The following USP45 variants were observed in gnomAD, a reference collection of about 807,000 sequenced individuals.
The protein encoded by USP45 is ubiquitin specific peptidase 45, also known as ubiquitin carboxyl-terminal hydrolase 45.
USP45 carries 89 observed loss-of-function variants against 95.8 expected under a neutral mutation model. The observed-to-expected ratio is 0.93, with a 90% confidence interval of 0.78 to 1.11. The LOEUF is 1.11. USP45 is among the 50% of genes least tolerant of loss of function. USP45 has a pLI of 0.00. For synonymous variants in USP45, 281 were observed against 316.2 expected, an observed-to-expected ratio of 0.89 and a Z score of 1.18; for missense variants, 898 against 942.5, an observed-to-expected ratio of 0.95 and a Z score of 0.62.
intron 5 of USP45, among the ~76,000 whole-genome samples, chr6:99,496,770 T>A (rs76242513): frequency 0.022 from 3,339 of 151,630 alleles, 92 homozygotes; most frequent in Admixed American, 0.05. Context: ...AAAAAAAAAA[T>A]TTTTTTTCAA....
chr6:99,458,004 T>G (rs755466272), intron 13 of USP45, among the ~76,000 whole-genome samples: 16 of 152,158 alleles, frequency 1.1e-4, no homozygotes, highest in Non-Finnish European at 2.1e-4. Context: ...GTAAGCAGCG[T>G]AAGTATCAGC....
chr6:99,490,349 T>C (rs953245473), intron 5 of USP45, among the ~76,000 whole-genome samples: 2 of 146,490 alleles, frequency 1.4e-5, no homozygotes, highest in Non-Finnish European at 3.0e-5. Context: ...TTTTTTTTCT[T>C]TTTTTTTTTT....
Position 99,507,185 on chromosome 6 carries a change from C to T in USP45, c.377+243G>A, listed in dbSNP as rs113750183. ...TCACGCCACTGCACTCCAGCCTTGG[C>T]GACAGAGTGAGACTCTGTCTCAACA... On this transcript the variant is annotated intron_variant, in intron 4 of 17. Coordinates refer to ENST00000500704, the MANE Select transcript of USP45 (RefSeq NM_001346022.3). Among the ~76,000 whole-genome samples, 935 of 152,168 alleles carry T rather than the reference C, an allele frequency of 6.1e-3. 14 individuals are homozygous for T. Among genetic ancestry groups the T allele is most frequent in the African/African-American group, 0.022 (893 of 41,514 alleles).
chr6:99,449,242 A>G (rs1459109531), intron 13 of USP45, among the ~76,000 whole-genome samples: 1 of 152,240 alleles, frequency 6.6e-6, no homozygotes, highest in African/African-American at 2.4e-5. Context: ...ATAAAGAGTC[A>G]AGACCCATCA....
chr6:99,472,686 C>G (rs1387149351), intron 9 of USP45, among the ~76,000 whole-genome samples: 1 of 152,120 alleles, frequency 6.6e-6, no homozygotes, highest in Non-Finnish European at 1.5e-5. Flanking sequence ...CAAAAAGCAA[C>G]CTGTTCCCAC....
intron 8 of USP45, among the ~76,000 whole-genome samples, chr6:99,477,899 T>C (rs1791277026): frequency 6.6e-6 from 1 of 152,170 alleles, no homozygotes; most frequent in African/African-American, 2.4e-5. Flanking sequence ...CTAATCCTAT[T>C]TGGACCTCCA....
At chr6:99,500,215 C>A (rs1797097787) in intron 5 of USP45, among the ~76,000 whole-genome samples, 1 of 150,374 alleles carries the variant, frequency 6.7e-6, no homozygotes, top group South Asian at 2.1e-4. Flanking sequence ...GCCTCCGCCT[C>A]CCGGGTTCAA....
At chr6:99,441,509 G>A (rs1781519555) in intron 15 of USP45, among the ~76,000 whole-genome samples, 1 of 151,548 alleles carries the variant, frequency 6.6e-6, no homozygotes, top group African/African-American at 2.4e-5. Context: ...TCCAGCCTGG[G>A]CGACAAAAGC....
In USP45 at chr6:99,439,939, T is replaced by C. The variant is rs1284721662; in HGVS notation, c.2074-84A>G. 3.9e-6 allele frequency: 4 copies of C among 1,021,082 alleles called. No individual in the cohort carries two copies. The African/African-American group carries it at 6.6e-5, about 17-fold the overall frequency. 63.3% of individuals were successfully genotyped at this position (1,021,082 alleles called of 1,614,324 possible). ...TTAACTAAAACCAAAAGAGAAATTG[T>C]AGGACTTAGTTTTTTCATAGATAAA... On this transcript the variant is annotated intron_variant, in intron 15 of 17. Transcript: ENST00000500704.
chr6:99,466,582 G>T, intron 11 of USP45, 90 bp downstream of exon 11: 4 of 1,069,620 alleles, frequency 3.7e-6, no homozygotes, highest in South Asian at 2.9e-5. Context: ...TTTTAAAAAT[G>T]ACTGCCAATG....
intron 9 of USP45, among the ~76,000 whole-genome samples, chr6:99,475,245 A>T (rs1335070743): frequency 6.6e-6 from 1 of 151,516 alleles, no homozygotes; most frequent in East Asian, 1.9e-4. Flanking sequence ...TGCTTTCTGG[A>T]TTCCTGACAG....
chr6:99,464,409 T>C (rs865800863), intron 13 of USP45, among the ~76,000 whole-genome samples, 195 bp downstream of exon 13: 22 of 152,166 alleles, frequency 1.4e-4, no homozygotes, highest in Middle Eastern at 3.2e-3. Flanking sequence ...TATCCAAAAA[T>C]AGTCTGGGAT....
intron 15 of USP45, among the ~76,000 whole-genome samples, chr6:99,441,810 C>T (rs2128538885): frequency 6.6e-6 from 1 of 152,208 alleles, no homozygotes; most frequent in Non-Finnish European, 1.5e-5. Flanking sequence ...TCCCATTTTA[C>T]TATTAGGGTC....
intron 5 of USP45, among the ~76,000 whole-genome samples, chr6:99,489,153 G>A (rs751973694): frequency 1.3e-5 from 2 of 152,106 alleles, no homozygotes; most frequent in African/African-American, 2.4e-5. Flanking sequence ...AAATAAGGAC[G>A]TCTAGGGGAA....
At chr6:99,460,985 CAAAG>C (rs1387225505) in intron 13 of USP45, 2 of 985,248 alleles carry the variant, frequency 2.0e-6, no homozygotes, top group East Asian at 2.3e-4. Flanking sequence ...AGCCGAGTCT[CAAAG>C]AGCTTAATTG....
At chr6:99,513,213 C>T (rs923414503) in intron 1 of USP45, among the ~76,000 whole-genome samples, 1 of 152,152 alleles carries the variant, frequency 6.6e-6, no homozygotes, top group Non-Finnish European at 1.5e-5. Flanking sequence ...CCCAATTAAC[C>T]ATTTTCTCCA....
chr6:99,478,925 G>A (rs1474065030), intron 8 of USP45, among the ~76,000 whole-genome samples: 1 of 151,426 alleles, frequency 6.6e-6, no homozygotes, highest in East Asian at 1.9e-4. Context: ...TATGCCAAGT[G>A]AAGGAAGTCA....
chr6:99,482,885 T>C lies in USP45; in HGVS notation c.715-2A>G. 1 of 1,510,146 alleles carries C rather than the reference T, an allele frequency of 6.6e-7. No homozygotes were observed. Among genetic ancestry groups the C allele is most frequent in the East Asian group, 2.4e-5 (1 of 42,392 alleles). The allele number at this position is 1,510,146 out of a possible 1,614,324, so 93.5% of individuals were successfully genotyped here. Reference sequence around the variant, plus strand: ...TGAAAGTTCCACCACCAATGGGTCCTTTAAAAACATGATCAACTCTATGTC... The same window carrying C: ...TGAAAGTTCCACCACCAATGGGTCCCTTAAAAACATGATCAACTCTATGTC... On this transcript the variant is annotated splice_acceptor_variant, in intron 7 of 17. Coordinates refer to ENST00000500704, the MANE Select transcript of USP45 (RefSeq NM_001346022.3). LOFTEE classifies it high-confidence loss of function.
At chr6:99,504,842 C>T (rs181080655) in intron 4 of USP45, among the ~76,000 whole-genome samples, 8 of 152,218 alleles carry the variant, frequency 5.3e-5, no homozygotes, top group South Asian at 2.1e-4. Flanking sequence ...CATCCAACAA[C>T]GTACAGAACA....
Sources: gnomAD v4.1 joint callset for allele counts (sites outside exome capture counted in the v4.1 genomes callset) on GRCh38, gnomAD v4.1.1 for gene constraint, MANE v1.5 for transcripts, NCBI Gene and HGNC (gene_info 2026-07-23, HGNC 2026-07-21) for gene names.